Variants in GALNT13 observed in about 807,000 individuals in gnomAD.
GALNT13 encodes the protein polypeptide N-acetylgalactosaminyltransferase 13.
A neutral mutation model predicts 64.2 loss-of-function variants in GALNT13; 28 were observed. The ratio of observed to expected loss-of-function variants is 0.44; its 90% CI spans 0.32 to 0.60. GALNT13 has a LOEUF of 0.60. Among genes scored for constraint, GALNT13 ranks in the 20% least tolerant of loss-of-function variants. The pLI is 0.05. For synonymous variants in GALNT13, 214 were observed against 224.6 expected, an observed-to-expected ratio of 0.95 and a Z score of 0.42; for missense variants, 577 against 669.8, an observed-to-expected ratio of 0.86 and a Z score of 1.53.
the GALNT13 span, among the ~76,000 whole-genome samples, chr2:153,178,821 T>C: frequency 3.5e-4 from 53 of 149,322 alleles, no homozygotes; most frequent in Non-Finnish European, 6.7e-4. Context: ...CCACAGTCTC[T>C]GCTGCCTGGG....
At chr2:153,913,160 G>A (rs1282195277) in intron 2 of GALNT13, among the ~76,000 whole-genome samples, 1 of 152,158 alleles carries the variant, frequency 6.6e-6, no homozygotes, top group Non-Finnish European at 1.5e-5. Context: ...TTGTGGGCAA[G>A]CTGTCTGTTT....
At chr2:153,080,438 A>G in the GALNT13 span, among the ~76,000 whole-genome samples, 1 of 152,100 alleles carries the variant, frequency 6.6e-6, no homozygotes, top group Non-Finnish European at 1.5e-5. Context: ...GAGTTGTTTA[A>G]TACCATGCTT....
At chr2:154,137,123 T>C (rs1255682705) in intron 3 of GALNT13, among the ~76,000 whole-genome samples, 1 of 149,784 alleles carries the variant, frequency 6.7e-6, no homozygotes. Context: ...CTGCTTATTC[T>C]TTCCCATTTG....
chr2:154,385,377 T>TACCCAGGAA (rs1431260237), intron 9 of GALNT13, among the ~76,000 whole-genome samples: 17 of 151,970 alleles, frequency 1.1e-4, no homozygotes, highest in Non-Finnish European at 2.1e-4. Flanking sequence ...CAAGGGATGA[T>TACCCAGGAA]AATTACCATG....
At chr2:153,963,441 G>T (rs1366649089) in intron 3 of GALNT13, among the ~76,000 whole-genome samples, 1 of 152,134 alleles carries the variant, frequency 6.6e-6, no homozygotes, top group Non-Finnish European at 1.5e-5. Flanking sequence ...AAATACCAAA[G>T]GATGGAAGTG....
At chr2:153,283,769 C>T in the GALNT13 span, among the ~76,000 whole-genome samples, 2 of 152,116 alleles carry the variant, frequency 1.3e-5, no homozygotes, top group African/African-American at 4.8e-5. Flanking sequence ...GGCTGCTGAT[C>T]AGGGAAAGTG....
chr2:153,356,819 A>G, the GALNT13 span, among the ~76,000 whole-genome samples: 2 of 89,494 alleles, frequency 2.2e-5, no homozygotes, highest in Non-Finnish European at 4.1e-5. Context: ...TTTTTTTGAG[A>G]CGGAGTCTTG....
chr2:154,111,227 G>T (rs1196825691), intron 3 of GALNT13, among the ~76,000 whole-genome samples: 13 of 152,252 alleles, frequency 8.5e-5, no homozygotes, highest in African/African-American at 3.1e-4. Flanking sequence ...TCCTGGTGGA[G>T]TGACCCAAAC....
the GALNT13 span, among the ~76,000 whole-genome samples, chr2:153,218,551 T>C: frequency 4.6e-5 from 7 of 152,214 alleles, no homozygotes; most frequent in Admixed American, 4.6e-4. Flanking sequence ...ATATCTGTGC[T>C]CTTCCCACAG....
At chr2:154,384,011 T>C (rs1698396849) in intron 9 of GALNT13, among the ~76,000 whole-genome samples, 2 of 151,852 alleles carry the variant, frequency 1.3e-5, no homozygotes, top group African/African-American at 2.4e-5. Context: ...TGACACCAGG[T>C]ACTGTTTTAG....
chr2:154,405,379 A>G (rs756540981), intron 10 of GALNT13, among the ~76,000 whole-genome samples: 6 of 152,088 alleles, frequency 3.9e-5, no homozygotes, highest in Non-Finnish European at 7.4e-5. Flanking sequence ...AAAGTGACAC[A>G]TATAGAAGAT....
At chr2:154,184,273 C>T (rs1369173464) in intron 4 of GALNT13, among the ~76,000 whole-genome samples, 1 of 151,852 alleles carries the variant, frequency 6.6e-6, no homozygotes. Flanking sequence ...GCTGTTTTAC[C>T]CTTTGCTTTC....
the GALNT13 span, among the ~76,000 whole-genome samples, chr2:153,247,540 T>C: frequency 1.3e-5 from 2 of 151,450 alleles, no homozygotes; most frequent in African/African-American, 2.4e-5. Flanking sequence ...GAATGATAAA[T>C]AATAAAATTA....
chr2:153,602,368 G>A, the GALNT13 span, among the ~76,000 whole-genome samples: 1 of 151,636 alleles, frequency 6.6e-6, no homozygotes, highest in Non-Finnish European at 1.5e-5. Flanking sequence ...AGTGGTAGTT[G>A]GTGAAAAGGG....
At chr2:154,139,803 A>G (rs1295517358) in intron 3 of GALNT13, among the ~76,000 whole-genome samples, 2 of 152,120 alleles carry the variant, frequency 1.3e-5, no homozygotes, top group Admixed American at 1.3e-4. Context: ...TCAATTATAG[A>G]GCACATAGTA....
chr2:153,630,791 ATATATATATATATATATTTTTTT>A, the GALNT13 span, among the ~76,000 whole-genome samples: 1 of 13,096 alleles, frequency 7.6e-5, no homozygotes. Flanking sequence ...ATATATATAT[ATATATATATATATATATTTTTTT>A]TTTTTTTTTT....
chr2:153,075,628 A>C, the GALNT13 span, among the ~76,000 whole-genome samples: 2 of 152,118 alleles, frequency 1.3e-5, no homozygotes, highest in Admixed American at 6.5e-5. Context: ...ATTTTTAAGG[A>C]ATTGAGTTTT....
At chr2:154,172,970 T>C (rs1034661961) in intron 4 of GALNT13, among the ~76,000 whole-genome samples, 17 of 151,624 alleles carry the variant, frequency 1.1e-4, no homozygotes, top group African/African-American at 3.9e-4. Context: ...TAGAAAAAAA[T>C]CCTAAAATTT....
At chr2:153,832,953 G>C in the GALNT13 span, among the ~76,000 whole-genome samples, 2 of 152,140 alleles carry the variant, frequency 1.3e-5, no homozygotes, top group African/African-American at 4.8e-5. Flanking sequence ...GCTTTCCATG[G>C]CTTCAATTGC....
Sources: gnomAD v4.1 joint callset for allele counts (sites outside exome capture counted in the v4.1 genomes callset) on GRCh38, gnomAD v4.1.1 for gene constraint, MANE v1.5 for transcripts, NCBI Gene and HGNC (gene_info 2026-07-23, HGNC 2026-07-21) for gene names.